RPA2: variants seen among roughly 807,000 people sequenced by gnomAD.
The protein encoded by RPA2 is replication protein A 32 kDa subunit.
RPA2 carries 22 observed loss-of-function variants against 33.4 expected under a neutral mutation model. That is an observed-to-expected ratio of 0.66 (90% confidence interval 0.47 to 0.94). RPA2 has a LOEUF of 0.94. Among genes scored for constraint, RPA2 ranks in the 40% least tolerant of loss-of-function variants. The probability of loss-of-function intolerance (pLI) is 0.00; values close to 1 mark genes in which losing one functional copy is unlikely to be tolerated. For synonymous variants in RPA2, 109 were observed against 114.9 expected, an observed-to-expected ratio of 0.95 and a Z score of 0.33; for missense variants, 279 against 329.9, an observed-to-expected ratio of 0.85 and a Z score of 1.19.
At chr1:27,897,848 C>T in intron 4 of RPA2, 141 bp from the exon 5 acceptor site, 1 of 470,280 alleles carries the variant, frequency 2.1e-6, no homozygotes, top group Non-Finnish European at 3.6e-6. Flanking sequence ...AGTAGTTTGC[C>T]CTGCCTTTTA....
rs28905170 is a variant in RPA2 at position 27,900,906 on chromosome 1, C to T, written c.334-3199G>A. 4.3e-3 allele frequency among the ~76,000 whole-genome samples: 653 copies of T among 152,294 alleles called. 1 individual carries two copies. The highest frequency in any genetic ancestry group is 6.7e-3 in the Non-Finnish European group (456 of 68,026). ...TCTCAAACTCCTGACCTCAAATGAT[C>T]TATCTGGCCGCCTGGGCCTCTCAAA... On this transcript the variant is annotated intron_variant, in intron 4 of 8. Coordinates refer to ENST00000373912, the MANE Select transcript of RPA2 (RefSeq NM_002946.5).
At chr1:27,893,970 G>C (rs779584637) in intron 8 of RPA2, 42 bp downstream of exon 8, 2 of 1,531,264 alleles carry the variant, frequency 1.3e-6, no homozygotes, top group Non-Finnish European at 1.8e-6. Flanking sequence ...GGTGAAATAG[G>C]TACAATGCCA....
chr1:27,914,718 T>C, upstream of RPA2: 1 of 1,593,488 alleles, frequency 6.3e-7, no homozygotes, highest in Non-Finnish European at 8.6e-7. Flanking sequence ...GCGGCCATCT[T>C]TACGAAGGGC....
chr1:27,906,272 C>T (rs1323866038), intron 4 of RPA2, among the ~76,000 whole-genome samples: 2 of 151,468 alleles, frequency 1.3e-5, no homozygotes, highest in Non-Finnish European at 2.9e-5. Context: ...GAGGCTGAGG[C>T]AGGAGAACTG....
intron 8 of RPA2, among the ~76,000 whole-genome samples, 175 bp from the exon 9 acceptor site, chr1:27,892,422 T>C (rs28904907): frequency 0.014 from 2,124 of 152,198 alleles, 44 homozygotes; most frequent in African/African-American, 0.047. Flanking sequence ...GCCAGTAAAA[T>C]AGCAAAACAG....
At chr1:27,913,095 G>A (rs941241842) in intron 2 of RPA2, among the ~76,000 whole-genome samples, 3 of 151,984 alleles carry the variant, frequency 2.0e-5, no homozygotes, top group Non-Finnish European at 4.4e-5. Flanking sequence ...TGGGATTACA[G>A]GTGCCTGCCA....
intron 2 of RPA2, among the ~76,000 whole-genome samples, chr1:27,908,229 T>A (rs187231085): frequency 6.6e-6 from 1 of 152,014 alleles, no homozygotes; most frequent in African/African-American, 2.4e-5. Context: ...GCTCAAGCAA[T>A]CTTCCTGCTA....
rs750051078 is a variant in RPA2, at chr1:27,894,068, C to A, written c.672G>T (p.Gly224=). The A allele has an allele frequency of 1.9e-6, 3 of 1,614,142 alleles. No homozygotes were observed. Among genetic ancestry groups the A allele is most frequent in the Non-Finnish European group, 2.5e-6 (3 of 1,179,998 alleles). The stretch of plus-strand genomic sequence containing the variant: ...GGTTCTTGAGATCCTGAAAGTTCAA[C>A]CCTTCAGGTCTTGGACAAGCCTTAA... ...NLIKACPRPE[G]LNFQDLKNQL... is the part of the protein sequence containing the mutation. The change falls in exon 8 of 9, where the codon GGG becomes GGT. Residue 224 remains glycine, a synonymous_variant. Coordinates refer to ENST00000373912, the MANE Select transcript of RPA2 (RefSeq NM_002946.5).
rs943727302 is a variant in RPA2 at position 27,891,666 on chromosome 1, G to A, written c.*497C>T. On this transcript the variant is annotated 3_prime_UTR_variant, in exon 9 of 9. Transcript: ENST00000373912. The stretch of plus-strand genomic sequence containing the variant: ...TCATGTTCACAGAAACACACGTCAT[G>A]GCAAGTGTGTCAAAAAGTCATGACA... 6.5e-6 allele frequency: 1 copy of A among 153,228 alleles called. No individual in the cohort carries two copies. Among genetic ancestry groups the A allele is most frequent in the African/African-American group, 2.4e-5 (1 of 41,446 alleles). The allele number at this position is 153,228 out of a possible 1,614,324, so 9.5% of individuals were successfully genotyped here.
In RPA2 at chr1:27,894,654, C is replaced by T. The variant is rs1254861328; in HGVS notation, c.526-257G>A. Among the ~76,000 whole-genome samples the T allele has an allele frequency of 2.6e-5, 4 of 152,184 alleles. No homozygotes were observed. The East Asian group carries it at 7.7e-4, about 29-fold the overall frequency. Reference sequence around the variant, plus strand: ...CTTTTGTTTGTGATGTCAGACGAACCAGAGAAGAGTAGCAGCAAGAAGAAA... The same window carrying T: ...CTTTTGTTTGTGATGTCAGACGAACTAGAGAAGAGTAGCAGCAAGAAGAAA... On this transcript the variant is annotated intron_variant, in intron 6 of 8. Coordinates refer to ENST00000373912, the MANE Select transcript of RPA2 (RefSeq NM_002946.5).
intron 6 of RPA2, among the ~76,000 whole-genome samples, chr1:27,896,221 G>C (rs2089889774): frequency 1.3e-5 from 2 of 151,930 alleles, no homozygotes; most frequent in Admixed American, 1.3e-4. Context: ...TTTGAGACAA[G>C]GTTGCTCTGT....
At chr1:27,896,074 T>C (rs1177823453) in intron 6 of RPA2, among the ~76,000 whole-genome samples, 1 of 135,144 alleles carries the variant, frequency 7.4e-6, no homozygotes, top group Non-Finnish European at 1.7e-5. Context: ...ATTATACATA[T>C]ATTTTTGTTT....
intron 2 of RPA2, among the ~76,000 whole-genome samples, chr1:27,912,792 T>C (rs988806007): frequency 6.6e-6 from 1 of 152,108 alleles, no homozygotes; most frequent in African/African-American, 2.4e-5. Flanking sequence ...CCTGTATTCT[T>C]TGTATATAAT....
intron 1 of RPA2, 116 bp from the exon 2 acceptor site, chr1:27,914,285 C>T (rs754088502): frequency 6.2e-7 from 1 of 1,601,558 alleles, no homozygotes; most frequent in South Asian, 1.1e-5. Context: ...ACCTTCCTCG[C>T]CGCCTTCCTG....
chr1:27,898,932 G>C (rs2089927057), intron 4 of RPA2, among the ~76,000 whole-genome samples: 2 of 152,082 alleles, frequency 1.3e-5, no homozygotes, highest in East Asian at 1.9e-4. Flanking sequence ...ATATATCGGG[G>C]TATATGGACT....
chr1:27,914,387 ACCT>A (rs1263094509), intron 1 of RPA2, 44 bp downstream of exon 1: 1 of 1,608,958 alleles, frequency 6.2e-7, no homozygotes, highest in Admixed American at 1.7e-5. Context: ...TCTTGCTAAA[ACCT>A]CCTGCGATTC....
intron 4 of RPA2, among the ~76,000 whole-genome samples, chr1:27,900,633 G>A (rs575008289): frequency 9.9e-5 from 15 of 152,124 alleles, no homozygotes; most frequent in Non-Finnish European, 1.6e-4. Context: ...CTGAATTGCT[G>A]TAACTTTATG....
At position 27,914,103 on chromosome 1, in the gene RPA2, C is replaced by A. The variant is rs1557477543; in HGVS notation, c.77G>T (p.Gly26Val). The change falls in exon 2 of 9, where the codon GGC becomes GTC. Residue 26 changes from glycine (G) to valine (V), a missense_variant. Transcript: ENST00000373912. ...GAGGYTQSPGGFGSPAPSQAE... is the reference protein window; with the variant it reads ...GAGGYTQSPGVFGSPAPSQAE... Reference sequence around the variant, plus strand: ...TTGAGAAGGTGCGGGCGATCCAAAGCCCCCCGGGGACTGCGTGTAGCCGCC... The same window carrying A: ...TTGAGAAGGTGCGGGCGATCCAAAGACCCCCGGGGACTGCGTGTAGCCGCC... The A allele has an allele frequency of 6.2e-7, 1 of 1,605,842 alleles. No homozygotes were observed. Among genetic ancestry groups the A allele is most frequent in the Non-Finnish European group, 8.5e-7 (1 of 1,177,278 alleles).
intron 4 of RPA2, among the ~76,000 whole-genome samples, chr1:27,905,563 TTACAGGC>T (rs2090016933): frequency 6.6e-6 from 1 of 152,230 alleles, no homozygotes; most frequent in African/African-American, 2.4e-5. Context: ...AGTGTTGCGA[TTACAGGC>T]GTGAGCCACT....
Sources: gnomAD v4.1 joint callset for allele counts (sites outside exome capture counted in the v4.1 genomes callset) on GRCh38, gnomAD v4.1.1 for gene constraint, MANE v1.5 for transcripts, NCBI Gene and HGNC (gene_info 2026-07-23, HGNC 2026-07-21) for gene names.